NRG1: variants seen among roughly 807,000 people sequenced by gnomAD.
The protein encoded by NRG1 is neuregulin 1.
Under a neutral mutation model 63.8 loss-of-function variants are expected in NRG1, and 18 were observed. The observed-to-expected ratio is 0.28, with a 90% CI of 0.19 to 0.42. The LOEUF (loss-of-function observed/expected upper bound fraction) is 0.42, where lower values mean the gene tolerates loss of function less well. Ranked by LOEUF, NRG1 falls within the 10% of genes least tolerant of loss-of-function variation. The pLI, the probability that NRG1 is intolerant of heterozygous loss-of-function variation, is 1.00. For synonymous variants in NRG1, 302 were observed against 301.3 expected (o/e 1.00, Z -0.02); for missense variants, 762 against 814.7 (o/e 0.94, Z 0.79).
At chr8:31,888,398 G>A (rs1272925419) in intron 1 of NRG1, among the ~76,000 whole-genome samples, 1 of 151,980 alleles carries the variant, frequency 6.6e-6, no homozygotes, top group African/African-American at 2.4e-5. Context: ...TGAATTTTAG[G>A]ACAGTGAGGA....
chr8:32,533,861 T>C (rs1831699308), intron 1 of NRG1, among the ~76,000 whole-genome samples: 1 of 152,142 alleles, frequency 6.6e-6, no homozygotes, highest in South Asian at 2.1e-4. Context: ...ATCAAGGACA[T>C]TTTAGCAATG....
chr8:31,706,391 A>G (rs1042703465), intron 1 of NRG1, among the ~76,000 whole-genome samples: 1 of 141,582 alleles, frequency 7.1e-6, no homozygotes, highest in African/African-American at 2.5e-5. Context: ...GACATTTCTT[A>G]ATTTTTTTAT....
At chr8:32,323,638 C>G (rs1052802551) in intron 1 of NRG1, among the ~76,000 whole-genome samples, 1 of 152,248 alleles carries the variant, frequency 6.6e-6, no homozygotes, top group South Asian at 2.1e-4. Context: ...CCTTTGGCCT[C>G]TGCCTTGAGG....
intron 1 of NRG1, among the ~76,000 whole-genome samples, chr8:31,909,197 T>C (rs552601561): frequency 3.3e-5 from 5 of 152,352 alleles, no homozygotes; most frequent in Non-Finnish European, 5.9e-5. Context: ...CATTATTAAG[T>C]ATTTCAGAGA....
intron 1 of NRG1, among the ~76,000 whole-genome samples, chr8:32,160,040 G>T (rs1248438818): frequency 1.3e-5 from 2 of 152,154 alleles, no homozygotes; most frequent in African/African-American, 4.8e-5. Context: ...GGAAGAGAGG[G>T]TTTCTTCCCC....
intron 1 of NRG1, among the ~76,000 whole-genome samples, chr8:32,469,588 C>T (rs1249729652): frequency 6.6e-6 from 1 of 152,158 alleles, no homozygotes; most frequent in Non-Finnish European, 1.5e-5. Flanking sequence ...TCAGTTTCCT[C>T]ATATGTAAAA....
intron 1 of NRG1, among the ~76,000 whole-genome samples, chr8:32,232,999 G>A (rs535517114): frequency 6.6e-6 from 1 of 152,148 alleles, no homozygotes; most frequent in South Asian, 2.1e-4. Flanking sequence ...CTTCTCTTAA[G>A]TCATGACTTA....
intron 1 of NRG1, among the ~76,000 whole-genome samples, chr8:31,998,270 G>T (rs1433669246): frequency 6.6e-6 from 1 of 151,922 alleles, no homozygotes; most frequent in African/African-American, 2.4e-5. Flanking sequence ...CACTGGAGAG[G>T]TTCAGTCATT....
At chr8:32,598,697 T>C (rs1407358606) in intron 2 of NRG1, among the ~76,000 whole-genome samples, 1 of 152,130 alleles carries the variant, frequency 6.6e-6, no homozygotes, top group Admixed American at 6.5e-5. Context: ...GATCTAAAAA[T>C]AAGACATACT....
chr8:32,174,709 C>T (rs1416657355), intron 1 of NRG1, among the ~76,000 whole-genome samples: 3 of 152,148 alleles, frequency 2.0e-5, no homozygotes, highest in Non-Finnish European at 4.4e-5. Flanking sequence ...AACATCTCTA[C>T]ACAAATAAAC....
chr8:32,380,858 A>T (rs1810259405), intron 1 of NRG1, among the ~76,000 whole-genome samples: 1 of 152,256 alleles, frequency 6.6e-6, no homozygotes, highest in Non-Finnish European at 1.5e-5. Context: ...AGATAAAGTC[A>T]GTGTACTTGG....
intron 1 of NRG1, among the ~76,000 whole-genome samples, chr8:32,420,938 G>C (rs1816634919): frequency 6.6e-6 from 1 of 152,134 alleles, no homozygotes; most frequent in African/African-American, 2.4e-5. Context: ...GTTTTATAAG[G>C]GGCTTCCCCC....
At chr8:31,876,270 T>C (rs944041580) in intron 1 of NRG1, among the ~76,000 whole-genome samples, 1 of 152,192 alleles carries the variant, frequency 6.6e-6, no homozygotes, top group African/African-American at 2.4e-5. Context: ...TTACCCAATA[T>C]TGTGAAACTT....
At chr8:31,702,566 A>T (rs1292155282) in intron 1 of NRG1, among the ~76,000 whole-genome samples, 9 of 151,662 alleles carry the variant, frequency 5.9e-5, no homozygotes, top group Admixed American at 5.9e-4. Context: ...GCCATTGGTC[A>T]TTGCTAGCCA....
intron 5 of NRG1, among the ~76,000 whole-genome samples, chr8:32,700,981 C>T (rs1311513657): frequency 6.6e-6 from 1 of 152,110 alleles, no homozygotes; most frequent in Non-Finnish European, 1.5e-5. Flanking sequence ...ATGTCTTAAC[C>T]CAATCCGCAC....
At chr8:31,760,560 A>G (rs924018076) in intron 1 of NRG1, among the ~76,000 whole-genome samples, 1 of 152,174 alleles carries the variant, frequency 6.6e-6, no homozygotes, top group African/African-American at 2.4e-5. Flanking sequence ...CATCTGACAA[A>G]GGGCTAATAT....
chr8:32,618,518 A>G (rs939484866), intron 5 of NRG1, among the ~76,000 whole-genome samples: 1 of 152,200 alleles, frequency 6.6e-6, no homozygotes, highest in Non-Finnish European at 1.5e-5. Context: ...TCCATTCCCT[A>G]ATTCTCAGTA....
downstream of NRG1, among the ~76,000 whole-genome samples, chr8:32,770,637 A>G (rs553879959): frequency 6.6e-6 from 1 of 152,318 alleles, no homozygotes; most frequent in African/African-American, 2.4e-5. Context: ...AAGGAAATGA[A>G]GTGTACGAGT....
chr8:32,632,229 A>G (rs1383096280), intron 5 of NRG1, among the ~76,000 whole-genome samples: 1 of 152,012 alleles, frequency 6.6e-6, no homozygotes, highest in Non-Finnish European at 1.5e-5. Context: ...CGAAGTATAC[A>G]CTCTTTTCTT....
Sources: allele counts gnomAD v4.1 joint callset (sites outside exome capture counted in the v4.1 genomes callset), GRCh38; gene constraint gnomAD v4.1.1; transcripts MANE v1.5; gene names NCBI Gene and HGNC (gene_info 2026-07-23, HGNC 2026-07-21).